The following SDK1 variants were observed in gnomAD, a reference collection of about 807,000 sequenced individuals.
The protein encoded by SDK1 is protein sidekick-1.
In SDK1, 157 loss-of-function variants were observed where a neutral mutation model predicts 245.5. That is an observed-to-expected ratio of 0.64 (90% CI 0.56 to 0.73). The LOEUF (loss-of-function observed/expected upper bound fraction) is 0.73, where lower values mean the gene tolerates loss of function less well. Among genes scored for constraint, SDK1 ranks in the 30% least tolerant of loss-of-function variants. The pLI, the probability that SDK1 is intolerant of heterozygous loss-of-function variation, is 0.00. For missense variants in SDK1, 3,583 were observed against 3,002.3 expected (o/e 1.19, Z -4.52); for synonymous variants, 1,647 against 1,278.5 (o/e 1.29, Z -6.15).
At chr7:3,798,014 C>A (rs1562450596) in intron 4 of SDK1, among the ~76,000 whole-genome samples, 1 of 152,130 alleles carries the variant, frequency 6.6e-6, no homozygotes, top group East Asian at 1.9e-4. Context: ...TAACATCTTA[C>A]ATGACCCTAG....
At chr7:4,056,520 G>A (rs1383628622) in intron 19 of SDK1, among the ~76,000 whole-genome samples, 3 of 152,112 alleles carry the variant, frequency 2.0e-5, no homozygotes, top group East Asian at 1.9e-4. Flanking sequence ...CAGCTCCTCC[G>A]GGACTGAGAT....
At chr7:3,665,403 T>C (rs1472104474) in intron 4 of SDK1, among the ~76,000 whole-genome samples, 1 of 152,254 alleles carries the variant, frequency 6.6e-6, no homozygotes, top group African/African-American at 2.4e-5. Context: ...CTTTTAGTCC[T>C]GCTCTAGCCT....
At chr7:3,534,261 A>G (rs1425334846) in intron 1 of SDK1, among the ~76,000 whole-genome samples, 1 of 152,090 alleles carries the variant, frequency 6.6e-6, no homozygotes, top group Admixed American at 6.6e-5. Flanking sequence ...CATTATATGT[A>G]TATACTACAT....
chr7:3,539,033 T>C (rs1778977310), intron 1 of SDK1, among the ~76,000 whole-genome samples: 1 of 152,054 alleles, frequency 6.6e-6, no homozygotes, highest in Non-Finnish European at 1.5e-5. Context: ...TAGGAAAGAG[T>C]GTCTGGTTGT....
chr7:3,767,073 G>A (rs1780275811), intron 4 of SDK1, among the ~76,000 whole-genome samples: 1 of 152,188 alleles, frequency 6.6e-6, no homozygotes, highest in South Asian at 2.1e-4. Context: ...TGTGTATCCA[G>A]CTGGGAGAAG....
At chr7:3,899,478 G>T (rs567917192) in intron 5 of SDK1, among the ~76,000 whole-genome samples, 1 of 152,212 alleles carries the variant, frequency 6.6e-6, no homozygotes, top group East Asian at 1.9e-4. Flanking sequence ...TCTAGGAAGG[G>T]GGAGCAGTGT....
intron 2 of SDK1, among the ~76,000 whole-genome samples, chr7:3,628,695 G>A (rs2128647304): frequency 6.6e-6 from 1 of 152,302 alleles, no homozygotes; most frequent in Admixed American, 6.5e-5. Context: ...CCTGGGTCAA[G>A]ATAAAGTAAC....
At chr7:3,693,295 G>A (rs920561875) in intron 4 of SDK1, among the ~76,000 whole-genome samples, 7 of 151,838 alleles carry the variant, frequency 4.6e-5, no homozygotes, top group East Asian at 1.9e-4. Context: ...TAAAAATGTC[G>A]TAATATTCAT....
intron 43 of SDK1, among the ~76,000 whole-genome samples, chr7:4,242,308 T>G (rs1362676040): frequency 6.6e-6 from 1 of 152,166 alleles, no homozygotes; most frequent in Non-Finnish European, 1.5e-5. Context: ...AGCCTGGTGC[T>G]TGTTGCTGAT....
At chr7:3,817,033 C>T (rs1223682985) in intron 4 of SDK1, among the ~76,000 whole-genome samples, 2 of 152,146 alleles carry the variant, frequency 1.3e-5, no homozygotes, top group Non-Finnish European at 2.9e-5. Context: ...TATTATTTTA[C>T]TAAACATTTT....
intron 9 of SDK1, among the ~76,000 whole-genome samples, chr7:3,964,764 G>T (rs1320226595): frequency 6.6e-6 from 1 of 152,204 alleles, no homozygotes; most frequent in African/African-American, 2.4e-5. Context: ...GAGCAAATCA[G>T]TGTCACTGTG....
In SDK1 at chr7:3,307,790, C is replaced by G. The variant is rs77383774; in HGVS notation, c.298+5906C>G. Reference sequence around the variant, plus strand: ...TAACTACTGTGCAATATGAGGAAGTCTATTAGTCTCTCTGAGTCTGTTTTC... The same window carrying G: ...TAACTACTGTGCAATATGAGGAAGTGTATTAGTCTCTCTGAGTCTGTTTTC... On this transcript the variant is annotated intron_variant, in intron 1 of 44. Transcript: ENST00000404826. Among the ~76,000 whole-genome samples, 70 of 152,240 alleles carry G rather than the reference C, an allele frequency of 4.6e-4. 1 individual carries two copies. In the East Asian group the frequency reaches 0.01, roughly 23 times the overall value.
intron 10 of SDK1, among the ~76,000 whole-genome samples, chr7:3,968,352 G>A (rs1365772152): frequency 4.6e-5 from 7 of 152,178 alleles, no homozygotes; most frequent in Admixed American, 4.6e-4. Flanking sequence ...GCTTAGCCTT[G>A]TTGATTCACA....
intron 5 of SDK1, among the ~76,000 whole-genome samples, chr7:3,861,820 CA>C (rs1780699364): frequency 6.6e-6 from 1 of 152,104 alleles, no homozygotes; most frequent in Non-Finnish European, 1.5e-5. Flanking sequence ...AAAAAGAAAA[CA>C]ATTAAGAGGA....
chr7:3,803,492 G>C (rs1183487597), intron 4 of SDK1, among the ~76,000 whole-genome samples: 1 of 151,276 alleles, frequency 6.6e-6, no homozygotes, highest in Non-Finnish European at 1.5e-5. Flanking sequence ...TGTATTTTTA[G>C]TAGAGAAGGG....
intron 4 of SDK1, among the ~76,000 whole-genome samples, chr7:3,788,700 A>G (rs1780986779): frequency 6.6e-6 from 1 of 152,178 alleles, no homozygotes; most frequent in Non-Finnish European, 1.5e-5. Context: ...AAGTAAGTTT[A>G]TGAATTTGTG....
intron 7 of SDK1, among the ~76,000 whole-genome samples, chr7:3,954,981 A>G (rs1023658742): frequency 1.3e-5 from 2 of 151,910 alleles, no homozygotes; most frequent in Non-Finnish European, 2.9e-5. Flanking sequence ...CCTTGGGGTA[A>G]GACAAGGATG....
intron 5 of SDK1, among the ~76,000 whole-genome samples, chr7:3,861,822 A>G (rs557228994): frequency 8.5e-5 from 13 of 152,274 alleles, no homozygotes; most frequent in African/African-American, 2.9e-4. Context: ...AAAGAAAACA[A>G]TTAAGAGGAT....
chr7:4,145,833 C>T lies in SDK1; in HGVS notation c.4340C>T (p.Ala1447Val). ...FTATDLAPES[A>V]YIFRLSAKTR... The stretch of plus-strand genomic sequence containing the variant: ...GCCACCGACCTGGCCCCGGAGTCCG[C>T]ATACATCTTCAGGCTGTCCGCCAAG... The change falls in exon 29 of 45, where the codon GCA becomes GTA. Residue 1447 changes from alanine (A) to valine (V), a missense_variant. Physicochemically the swap from Ala to Val is moderately conservative, Grantham distance 64. Coordinates refer to ENST00000404826, the MANE Select transcript of SDK1 (RefSeq NM_152744.4). The T allele has an allele frequency of 6.2e-7, 1 of 1,613,858 alleles. No homozygotes were observed.
Sources: allele counts gnomAD v4.1 joint callset (sites outside exome capture counted in the v4.1 genomes callset), GRCh38; gene constraint gnomAD v4.1.1; transcripts MANE v1.5; gene names NCBI Gene and HGNC (gene_info 2026-07-23, HGNC 2026-07-21).